Variants in DCAF8L2 observed in about 807,000 individuals in gnomAD.
The protein encoded by DCAF8L2 is DDB1 and CUL4 associated factor 8 like 2, also known as DDB1- and CUL4-associated factor 8-like protein 2.
For missense variants in DCAF8L2, 430 were observed against 490.7 expected (o/e 0.88, Z 1.17); for synonymous variants, 200 against 190.9 (o/e 1.05, Z -0.39).
At chrX:27,614,768 T>C (rs906188774) in intron 1 of DCAF8L2, among the ~76,000 whole-genome samples, 13 of 111,511 alleles carry the variant, frequency 1.2e-4, no homozygotes, top group African/African-American at 4.2e-4. Flanking sequence ...CGGTTTTGAG[T>C]GAGTTTCTTA....
At chrX:27,560,288 G>C in the DCAF8L2 span, among the ~76,000 whole-genome samples, 461 of 106,057 alleles carry the variant, frequency 4.3e-3, no homozygotes, top group African/African-American at 0.015. Flanking sequence ...AAAAAAAGAT[G>C]ACAAGGTGAA....
At chrX:27,547,695 A>G in the DCAF8L2 span, among the ~76,000 whole-genome samples, 3 of 111,291 alleles carry the variant, frequency 2.7e-5, no homozygotes, top group African/African-American at 9.8e-5. Flanking sequence ...AGTGGTCCCC[A>G]TAATCCAGTC....
the DCAF8L2 span, among the ~76,000 whole-genome samples, chrX:27,492,047 T>C: frequency 8.9e-6 from 1 of 112,422 alleles, no homozygotes; most frequent in Non-Finnish European, 1.9e-5. Flanking sequence ...AAGGGAAACC[T>C]TGGGCCTGTT....
intron 2 of DCAF8L2, among the ~76,000 whole-genome samples, chrX:27,676,173 T>A (rs945891426): frequency 1.8e-5 from 2 of 111,347 alleles, no homozygotes; most frequent in Admixed American, 1.9e-4. Flanking sequence ...TTGAGTACTC[T>A]GTATCTCTTT....
intron 4 of DCAF8L2, among the ~76,000 whole-genome samples, chrX:27,729,932 G>A (rs934752569): frequency 4.5e-5 from 5 of 112,178 alleles, no homozygotes; most frequent in Admixed American, 3.8e-4. Context: ...CTCAAAGTAA[G>A]AGGCTTCATG....
chrX:27,731,286 C>T (rs1174120338), intron 4 of DCAF8L2, among the ~76,000 whole-genome samples: 2 of 110,780 alleles, frequency 1.8e-5, no homozygotes, highest in Non-Finnish European at 3.8e-5. Flanking sequence ...TGGCACGTGC[C>T]AGCAATCCCA....
chrX:27,725,837 TATATA>T (rs1226653827), intron 4 of DCAF8L2, among the ~76,000 whole-genome samples: 1 of 110,481 alleles, frequency 9.1e-6, no homozygotes, highest in Non-Finnish European at 1.9e-5. Context: ...TAAGTGTAAA[TATATA>T]AGATAAATAT....
chrX:27,670,442 T>C (rs1366452846), intron 2 of DCAF8L2, among the ~76,000 whole-genome samples: 3 of 111,437 alleles, frequency 2.7e-5, no homozygotes, highest in Non-Finnish European at 5.6e-5. Flanking sequence ...TGCCAAATTA[T>C]GCTCTCAAAA....
upstream of DCAF8L2, among the ~76,000 whole-genome samples, chrX:27,585,561 C>A (rs1008810344): frequency 6.2e-5 from 7 of 112,310 alleles, no homozygotes; most frequent in Non-Finnish European, 1.3e-4. Flanking sequence ...AAGTGCTGAA[C>A]CCTTTCCTGG....
the DCAF8L2 span, among the ~76,000 whole-genome samples, chrX:27,507,655 CT>C: frequency 1.3e-4 from 14 of 111,693 alleles, no homozygotes; most frequent in Admixed American, 5.8e-4. Flanking sequence ...ATATCCACTT[CT>C]TTCATCTGTG....
At chrX:27,545,391 C>A in the DCAF8L2 span, among the ~76,000 whole-genome samples, 1 of 112,078 alleles carries the variant, frequency 8.9e-6, no homozygotes, top group Non-Finnish European at 1.9e-5. Context: ...ATATGCTATA[C>A]CCTGTGTTCA....
chrX:27,572,825 C>G, the DCAF8L2 span, among the ~76,000 whole-genome samples: 1 of 111,368 alleles, frequency 9.0e-6, no homozygotes, highest in Non-Finnish European at 1.9e-5. Flanking sequence ...CTACTTAGAC[C>G]TTCCACTTTG....
the DCAF8L2 span, chrX:27,518,454 AAG>A: frequency 3.9e-6 from 2 of 517,894 alleles, no homozygotes; most frequent in Middle Eastern, 5.7e-4. Context: ...GAAAAACAAA[AAG>A]GGGGTCAGGC....
chrX:27,639,877 CTGA>C (rs1928642906), intron 2 of DCAF8L2, among the ~76,000 whole-genome samples: 1 of 111,490 alleles, frequency 9.0e-6, no homozygotes, highest in Non-Finnish European at 1.9e-5. Context: ...ACTGTATCAA[CTGA>C]TTTTTTCAGA....
chrX:27,683,246 T>G (rs1431069069), intron 3 of DCAF8L2, among the ~76,000 whole-genome samples: 1 of 111,897 alleles, frequency 8.9e-6, no homozygotes. Context: ...GAGCTTCAAA[T>G]GCCCTTCCCA....
At chrX:27,676,140 A>C (rs549073885) in intron 2 of DCAF8L2, among the ~76,000 whole-genome samples, 14 of 111,476 alleles carry the variant, frequency 1.3e-4, no homozygotes, top group African/African-American at 4.6e-4. Context: ...AATTCCACTG[A>C]AGTCTCCCCT....
At chrX:27,507,135 T>A in the DCAF8L2 span, among the ~76,000 whole-genome samples, 2 of 112,177 alleles carry the variant, frequency 1.8e-5, no homozygotes, top group African/African-American at 3.2e-5. Context: ...CTGAAATATT[T>A]GAATTTTTGT....
chrX:27,624,585 C>T (rs777579197), intron 1 of DCAF8L2, among the ~76,000 whole-genome samples: 4 of 111,273 alleles, frequency 3.6e-5, no homozygotes, highest in Non-Finnish European at 5.7e-5. Context: ...AGAGGCATCA[C>T]ATTACCCAAC....
At chrX:27,742,599 A>AC (rs1300605808) in intron 4 of DCAF8L2, among the ~76,000 whole-genome samples, 65 of 109,370 alleles carry the variant, frequency 5.9e-4, no homozygotes, top group African/African-American at 2.1e-3. Context: ...AAACAAACAA[A>AC]AAAAAAAAAC....
Sources: allele counts gnomAD v4.1 joint callset (sites outside exome capture counted in the v4.1 genomes callset), GRCh38; gene constraint gnomAD v4.1.1; transcripts MANE v1.5; gene names NCBI Gene and HGNC (gene_info 2026-07-23, HGNC 2026-07-21).